The following PDE4D variants were observed in gnomAD, a reference collection of about 807,000 sequenced individuals.
PDE4D encodes 3',5'-cyclic-AMP phosphodiesterase 4D.
A neutral mutation model predicts 87.4 loss-of-function variants in PDE4D; 24 were observed. The ratio of observed to expected loss-of-function variants is 0.27; its 90% CI spans 0.20 to 0.39. PDE4D has a LOEUF of 0.39. Ranked by LOEUF, PDE4D falls within the 10% of genes least tolerant of loss-of-function variation. The pLI, the probability that PDE4D is intolerant of heterozygous loss-of-function variation, is 1.00. For synonymous variants in PDE4D, 384 were observed against 383.2 expected (o/e 1.00, Z -0.02); for missense variants, 714 against 1,041.0 (o/e 0.69, Z 4.32).
intron 1 of PDE4D, among the ~76,000 whole-genome samples, chr5:59,416,775 A>G (rs1384613358): frequency 6.6e-6 from 1 of 152,138 alleles, no homozygotes; most frequent in African/African-American, 2.4e-5. Context: ...CTTGCAAGCT[A>G]AGGGGTGTAG....
rs573265879 is a variant in PDE4D at position 59,457,684 on chromosome 5, A to C, written c.456-241716T>G. Among the ~76,000 whole-genome samples, 579 of 152,274 alleles carry C rather than the reference A, an allele frequency of 3.8e-3. 7 individuals carry two copies. The highest frequency in any genetic ancestry group is 0.014 in the African/African-American group (564 of 41,556). On this transcript the variant is annotated intron_variant, in intron 1 of 14. Coordinates refer to ENST00000340635, the MANE Select transcript of PDE4D (RefSeq NM_001104631.2). ...GGCAGGTGGATCACCTGAGGTCAGA[A>C]GCTCAAGACCAGCCTGGCCAACATG...
intron 2 of PDE4D, among the ~76,000 whole-genome samples, chr5:60,089,723 A>G (rs1479535545): frequency 2.6e-5 from 4 of 151,974 alleles, no homozygotes; most frequent in Non-Finnish European, 5.9e-5. Flanking sequence ...TTGAACTACA[A>G]AAATACAAAA....
At chr5:59,092,804 G>A (rs541265064) in intron 5 of PDE4D, among the ~76,000 whole-genome samples, 2 of 152,208 alleles carry the variant, frequency 1.3e-5, no homozygotes, top group South Asian at 2.1e-4. Flanking sequence ...TAGTGAGCAC[G>A]CATTGAGTTT....
intron 1 of PDE4D, among the ~76,000 whole-genome samples, chr5:60,197,243 A>G (rs1396387927): frequency 2.0e-5 from 3 of 151,678 alleles, no homozygotes; most frequent in South Asian, 4.2e-4. Context: ...AGCTTTCTCA[A>G]TCTGAGCTAT....
At chr5:60,285,146 C>A (rs1235176479) in intron 1 of PDE4D, among the ~76,000 whole-genome samples, 2 of 152,064 alleles carry the variant, frequency 1.3e-5, no homozygotes, top group Non-Finnish European at 2.9e-5. Flanking sequence ...TTAGTTTTCA[C>A]ATAAACACTT....
intron 1 of PDE4D, among the ~76,000 whole-genome samples, chr5:59,872,300 C>CACACACACA (rs10693446): frequency 0.016 from 2,279 of 146,936 alleles, 26 homozygotes; most frequent in Non-Finnish European, 0.02. Context: ...CACACACACA[C>CACACACACA]AAGAGCACAC....
chr5:60,214,639 T>C lies in PDE4D; in HGVS notation c.-89-28952A>G, dbSNP rs1371697122. ...TATGAAATAGTGATGTTAGCAGGCA[T>C]ACCACACTATCATGACATATTATGG... On this transcript the variant is annotated intron_variant, in intron 1 of 16. Transcript: ENST00000502484. 2.6e-5 allele frequency among the ~76,000 whole-genome samples: 4 copies of C among 152,292 alleles called. 1 individual carries two copies. The highest frequency in any genetic ancestry group is 6.8e-3 in the Middle Eastern group (2 of 294).
At chr5:59,985,110 G>A (rs190883851) in intron 3 of PDE4D, among the ~76,000 whole-genome samples, 57 of 144,604 alleles carry the variant, frequency 3.9e-4, no homozygotes, top group African/African-American at 1.2e-3. Flanking sequence ...ATATAAGCCC[G>A]AACTTCACCT....
chr5:60,480,771 T>C (rs1748670783), intron 1 of PDE4D, among the ~76,000 whole-genome samples: 1 of 152,148 alleles, frequency 6.6e-6, no homozygotes, highest in African/African-American at 2.4e-5. Context: ...TTAAATAGAA[T>C]ATAATCTTCA....
chr5:60,274,376 C>T (rs767965025), intron 1 of PDE4D, among the ~76,000 whole-genome samples: 8 of 151,804 alleles, frequency 5.3e-5, no homozygotes, highest in Non-Finnish European at 1.2e-4. Flanking sequence ...TGTTTTGAGA[C>T]GGAGTCTTGC....
chr5:59,647,354 T>C (rs1257528273), intron 1 of PDE4D, among the ~76,000 whole-genome samples: 5 of 152,122 alleles, frequency 3.3e-5, no homozygotes, highest in Non-Finnish European at 7.4e-5. Context: ...TAAATTTAGA[T>C]AAACTGAGGT....
intron 1 of PDE4D, among the ~76,000 whole-genome samples, chr5:59,878,637 G>T (rs1246081861): frequency 2.6e-5 from 4 of 151,576 alleles, no homozygotes; most frequent in Admixed American, 2.0e-4. Flanking sequence ...TGTACTTTTT[G>T]GAAATACATG....
chr5:60,070,101 A>G (rs534551512), intron 2 of PDE4D, among the ~76,000 whole-genome samples: 1 of 152,230 alleles, frequency 6.6e-6, no homozygotes, highest in East Asian at 1.9e-4. Context: ...AGTTTTCTCT[A>G]TATATAGGAT....
intron 1 of PDE4D, among the ~76,000 whole-genome samples, chr5:59,817,751 C>G (rs1026370005): frequency 1.3e-5 from 2 of 149,216 alleles, no homozygotes; most frequent in African/African-American, 2.4e-5. Context: ...CACCCCCCCC[C>G]ACACACACAC....
chr5:60,269,783 T>C (rs1164129311), intron 1 of PDE4D, among the ~76,000 whole-genome samples: 3 of 152,224 alleles, frequency 2.0e-5, no homozygotes, highest in African/African-American at 7.2e-5. Flanking sequence ...TCACAATGTA[T>C]ACATGTATTA....
At chr5:60,108,616 A>C (rs1170150574) in intron 2 of PDE4D, among the ~76,000 whole-genome samples, 2 of 152,156 alleles carry the variant, frequency 1.3e-5, no homozygotes, top group African/African-American at 4.8e-5. Flanking sequence ...ACTATACTAC[A>C]AGGCTACAGT....
chr5:60,347,158 A>T (rs1317175086), intron 1 of PDE4D, among the ~76,000 whole-genome samples: 4 of 152,112 alleles, frequency 2.6e-5, no homozygotes, highest in African/African-American at 9.7e-5. Context: ...CCTTCTGAGG[A>T]GGACACTTAA....
chr5:60,263,636 C>G (rs1749877104), intron 1 of PDE4D, among the ~76,000 whole-genome samples: 1 of 152,122 alleles, frequency 6.6e-6, no homozygotes, highest in Admixed American at 6.6e-5. Flanking sequence ...CTTGTGAACC[C>G]GTTTAATGTA....
intron 1 of PDE4D, among the ~76,000 whole-genome samples, chr5:60,291,525 G>A (rs978228729): frequency 7.3e-5 from 11 of 151,458 alleles, no homozygotes; most frequent in South Asian, 4.2e-4. Context: ...ACAATATAAC[G>A]AACAAATATA....
Sources: allele counts gnomAD v4.1 joint callset (sites outside exome capture counted in the v4.1 genomes callset), GRCh38; gene constraint gnomAD v4.1.1; transcripts MANE v1.5; gene names NCBI Gene and HGNC (gene_info 2026-07-23, HGNC 2026-07-21).